ITGA4: variants seen among roughly 807,000 people sequenced by gnomAD.
ITGA4 encodes integrin alpha-4.
Under a neutral mutation model 133.6 loss-of-function variants are expected in ITGA4, and 63 were observed. The observed-to-expected ratio is 0.47, with a 90% CI of 0.38 to 0.58. The LOEUF is 0.58. ITGA4 is among the 20% of genes least tolerant of loss of function. The pLI, the probability that ITGA4 is intolerant of heterozygous loss-of-function variation, is 0.00. For synonymous variants in ITGA4, 483 were observed against 438.0 expected (o/e 1.10, Z -1.28); for missense variants, 1,076 against 1,252.7 (o/e 0.86, Z 2.13).
chr2:181,486,300 C>T, intron 10 of ITGA4: 1 of 222,930 alleles, frequency 4.5e-6, no homozygotes, highest in Admixed American at 5.8e-5. Flanking sequence ...TTACACCCAC[C>T]ATTTTTCTGT....
intron 2 of ITGA4, among the ~76,000 whole-genome samples, chr2:181,460,839 G>T (rs1685258966): frequency 6.6e-6 from 1 of 152,092 alleles, no homozygotes; most frequent in African/African-American, 2.4e-5. Context: ...ACATTAAAAG[G>T]TAGAAGTTGA....
At chr2:181,472,789 T>C (rs533449934) in intron 2 of ITGA4, among the ~76,000 whole-genome samples, 2 of 152,316 alleles carry the variant, frequency 1.3e-5, no homozygotes, top group East Asian at 3.9e-4. Flanking sequence ...ATTTTTTTTC[T>C]CCTACCATCT....
intron 10 of ITGA4, 98 bp from the exon 11 acceptor site, chr2:181,493,227 T>A: frequency 1.4e-6 from 1 of 702,618 alleles, no homozygotes; most frequent in Admixed American, 2.7e-5. Context: ...AAAGAGAGTT[T>A]TCTTATGTGA....
At chr2:181,490,144 C>T (rs959437961) in intron 10 of ITGA4, among the ~76,000 whole-genome samples, 2 of 152,162 alleles carry the variant, frequency 1.3e-5, no homozygotes, top group African/African-American at 4.8e-5. Flanking sequence ...GATAACATAA[C>T]CAATTAGGTC....
In ITGA4 at chr2:181,470,907, A is replaced by G. The variant is rs539331166; in HGVS notation, c.320-4053A>G. 1.2e-4 allele frequency among the ~76,000 whole-genome samples: 18 copies of G among 152,234 alleles called. 1 individual carries two copies. The South Asian group carries it at 3.7e-3, about 32-fold the overall frequency. On this transcript the variant is annotated intron_variant, in intron 2 of 27. Transcript: ENST00000397033. ...AATAAAAAGAGAAAAAGTCCCAGAA[A>G]TTAAGAAAAAACCCAGAACACTAGG... is the stretch of plus-strand genomic sequence containing the variant.
intron 17 of ITGA4, among the ~76,000 whole-genome samples, chr2:181,519,529 G>A (rs35944998): frequency 6.6e-6 from 1 of 152,106 alleles, no homozygotes; most frequent in African/African-American, 2.4e-5. Context: ...AGTTACATTA[G>A]AGTTATAAAA....
At chr2:181,528,764 C>A (rs559003821) in intron 22 of ITGA4, among the ~76,000 whole-genome samples, 1 of 152,226 alleles carries the variant, frequency 6.6e-6, no homozygotes, top group African/African-American at 2.4e-5. Context: ...CTTTTTTAAT[C>A]GAGGTATTGG....
chr2:181,522,120 C>T, intron 17 of ITGA4, 71 bp from the exon 18 acceptor site: 3 of 835,516 alleles, frequency 3.6e-6, no homozygotes, highest in Non-Finnish European at 3.8e-6. Context: ...TACATATATC[C>T]TTGTATGCAT....
chr2:181,462,833 A>G (rs1685318802), intron 2 of ITGA4, among the ~76,000 whole-genome samples: 1 of 152,170 alleles, frequency 6.6e-6, no homozygotes. Flanking sequence ...TTGAAAATAT[A>G]TCCCCTTGGC....
chr2:181,457,582 TG>T lies in ITGA4; in HGVS notation c.-71del. ...CATCTCTTGGGGCGTTCTTCCCCGT[TG>T]GCCAACCGTCGCATCCCGTGCAACT... On this transcript the variant is annotated 5_prime_UTR_variant, in exon 1 of 28. Transcript: ENST00000397033. 7.2e-7 allele frequency: 1 copy of T among 1,389,910 alleles called. No homozygotes were observed. The highest frequency in any genetic ancestry group is 9.9e-7 in the Non-Finnish European group (1 of 1,013,286). 86.1% of individuals were successfully genotyped at this position (1,389,910 alleles called of 1,614,324 possible).
intron 27 of ITGA4, among the ~76,000 whole-genome samples, 197 bp from the exon 28 acceptor site, chr2:181,535,235 A>G (rs998951399): frequency 6.6e-6 from 1 of 152,140 alleles, no homozygotes; most frequent in African/African-American, 2.4e-5. Flanking sequence ...TTCTGCATTA[A>G]AAACAAAAAT....
intron 22 of ITGA4, among the ~76,000 whole-genome samples, chr2:181,527,626 C>A (rs1329619394): frequency 2.0e-5 from 3 of 152,166 alleles, no homozygotes; most frequent in Non-Finnish European, 2.9e-5. Context: ...AAAGAGCATG[C>A]AGGAACAGAG....
In ITGA4 at chr2:181,523,571, GA is replaced by G. The variant is rs1201907099; in HGVS notation, c.2169+41del. The G allele has an allele frequency of 3.5e-6, 4 of 1,127,374 alleles. No individual in the cohort carries two copies. The highest frequency in any genetic ancestry group is 4.0e-6 in the Non-Finnish European group (3 of 748,202). 69.8% of individuals were successfully genotyped at this position (1,127,374 alleles called of 1,614,324 possible). The stretch of plus-strand genomic sequence containing the variant: ...ATTTATGGCTTTTGTTCACTATCAT[GA>G]ATATTTTTTTCTATTCTTCCCTATC... On this transcript the variant is annotated intron_variant, in intron 19 of 27. Transcript: ENST00000397033. This position sits in a 1 kb window ranked among gnomAD's most constrained non-coding sequence, Gnocchi z 4.2.
chr2:181,508,442 T>C (rs1187965254), intron 15 of ITGA4, among the ~76,000 whole-genome samples: 4 of 152,110 alleles, frequency 2.6e-5, no homozygotes, highest in Non-Finnish European at 4.4e-5. Flanking sequence ...AAGCCTGTAA[T>C]CCCAGCACTT....
chr2:181,510,936 T>A (rs761247811), intron 16 of ITGA4, among the ~76,000 whole-genome samples: 3 of 152,010 alleles, frequency 2.0e-5, no homozygotes, highest in Non-Finnish European at 2.9e-5. Context: ...TCATATTTAT[T>A]TAGAGAGATA....
rs761592779 is a variant in ITGA4, at chr2:181,509,825, T to C, written c.1845+18T>C. On this transcript the variant is annotated intron_variant, in intron 16 of 27. Coordinates refer to ENST00000397033, the MANE Select transcript of ITGA4 (RefSeq NM_000885.6). ...AAAAAACAGTAGGAATATTTTCCTT[T>C]ATTCAAATTATTGTATGGCATTTAA... The C allele has an allele frequency of 2.6e-6, 4 of 1,562,894 alleles. No individual in the cohort carries two copies. Among genetic ancestry groups the C allele is most frequent in the Admixed American group, 1.7e-5 (1 of 57,768 alleles).
chr2:181,531,658 A>G lies in ITGA4; in HGVS notation c.2666A>G (p.Tyr889Cys), dbSNP rs1291986634. The G allele has an allele frequency of 1.9e-6, 3 of 1,571,236 alleles. No homozygotes were observed. The highest frequency in any genetic ancestry group is 2.6e-6 in the Non-Finnish European group (3 of 1,152,754). The change falls in exon 25 of 28, where the codon TAC (tyrosine) becomes TGC (cysteine). Residue 889 changes from tyrosine (Y) to cysteine (C), a missense_variant and splice_region_variant. Around this residue, in one of 4 missense-constraint regions of ITGA4, gnomAD observed 193 missense variants for 172.3 expected, o/e 1.12. Transcript: ENST00000397033. ...TAGCACTTTTATATTCCCTTCAAGTACTGCATAAAAGCTGATCCACATTGT... is the reference window on the plus strand; with the variant it reads ...TAGCACTTTTATATTCCCTTCAAGTGCTGCATAAAAGCTGATCCACATTGT... Reference protein sequence around the residue: ...FLSKTDKRLLYCIKADPHCLN... With the variant: ...FLSKTDKRLLCCIKADPHCLN...
chr2:181,507,091 T>C (rs530717511), intron 15 of ITGA4, among the ~76,000 whole-genome samples: 1 of 152,244 alleles, frequency 6.6e-6, no homozygotes, highest in Admixed American at 6.5e-5. Flanking sequence ...AGTCAAAAAC[T>C]GAGCCTTAAA....
chr2:181,478,105 G>A lies in ITGA4; in HGVS notation c.557-652G>A, dbSNP rs145033086. ...ATGACCCCGAAGGACATTATTTTAA[G>A]TGAAATAAGCTAGGCCCAGAAAGAC... On this transcript the variant is annotated intron_variant, in intron 4 of 27. Coordinates refer to ENST00000397033, the MANE Select transcript of ITGA4 (RefSeq NM_000885.6). 5.5e-4 allele frequency among the ~76,000 whole-genome samples: 84 copies of A among 152,176 alleles called. 2 individuals are homozygous for A. The East Asian group carries it at 0.016, about 28-fold the overall frequency.
Sources: allele counts gnomAD v4.1 joint callset (sites outside exome capture counted in the v4.1 genomes callset), GRCh38; gene constraint gnomAD v4.1.1; regional missense constraint gnomAD v4.1.1; non-coding constraint Gnocchi (gnomAD v3.1); transcripts MANE v1.5; gene names NCBI Gene and HGNC (gene_info 2026-07-23, HGNC 2026-07-21).